The following WIPF1 variants were observed in gnomAD, a reference collection of about 807,000 sequenced individuals.
WIPF1 encodes the protein WAS/WASL interacting protein family member 1.
Under a neutral mutation model 35.4 loss-of-function variants are expected in WIPF1, and 13 were observed. The ratio of observed to expected loss-of-function variants is 0.37; its 90% CI spans 0.24 to 0.58. The LOEUF is 0.58. WIPF1 is among the 20% of genes least tolerant of loss of function. WIPF1 has a pLI of 0.74. For synonymous variants in WIPF1, 267 were observed against 266.3 expected, an observed-to-expected ratio of 1.00 and a Z score of -0.02; for missense variants, 591 against 667.0, an observed-to-expected ratio of 0.89 and a Z score of 1.25.
At chr2:174,577,122 T>C (rs760940018) in intron 3 of WIPF1, among the ~76,000 whole-genome samples, 1 of 152,224 alleles carries the variant, frequency 6.6e-6, no homozygotes, top group Non-Finnish European at 1.5e-5. Flanking sequence ...TTTGCTGAAA[T>C]TGTGAAAGGG....
chr2:174,617,628 T>C (rs934070148), intron 1 of WIPF1, among the ~76,000 whole-genome samples: 2 of 151,560 alleles, frequency 1.3e-5, no homozygotes, highest in African/African-American at 4.9e-5. Flanking sequence ...ACACAGGGAG[T>C]GGTGAAAAGT....
In WIPF1 at chr2:174,682,252, G is replaced by C. The variant is rs139485678; in HGVS notation, c.-39+522C>G. On this transcript the variant is annotated intron_variant, in intron 1 of 8. Coordinates refer to the WIPF1 transcript ENST00000272746. The stretch of plus-strand genomic sequence containing the variant: ...GGCGAGCGGGCCGCCCGGGAGGGCC[G>C]GGAGGGAGGCGGGCTGGAGCGCGGG... 7.9e-3 allele frequency among the ~76,000 whole-genome samples: 1,196 copies of C among 152,236 alleles called. 18 individuals carry two copies. Among genetic ancestry groups the C allele is most frequent in the African/African-American group, 0.028 (1,152 of 41,552 alleles).
chr2:174,578,872 T>A (rs988692180), intron 3 of WIPF1, among the ~76,000 whole-genome samples: 7 of 152,234 alleles, frequency 4.6e-5, no homozygotes, highest in African/African-American at 1.7e-4. Context: ...AATTTAAAAA[T>A]TTTGCTATTA....
chr2:174,643,625 G>T (rs12477859), intron 1 of WIPF1, among the ~76,000 whole-genome samples: 37,479 of 139,818 alleles, frequency 0.27, 6,726 homozygotes, highest in East Asian at 0.67. Flanking sequence ...GGCTATGCTG[G>T]TCTCCAACTT....
chr2:174,595,112 ATAT>A (rs1559155601), intron 1 of WIPF1, among the ~76,000 whole-genome samples: 1,434 of 49,024 alleles, frequency 0.029, 77 homozygotes, highest in East Asian at 0.053. Flanking sequence ...AAAAAAAAAT[ATAT>A]ATATATATAT....
chr2:174,617,487 T>C (rs1686543296), intron 1 of WIPF1, among the ~76,000 whole-genome samples: 1 of 152,184 alleles, frequency 6.6e-6, no homozygotes, highest in African/African-American at 2.4e-5. Context: ...GCTGTCTGCT[T>C]AATACTGAGC....
At chr2:174,583,872 T>G (rs1189021962) in intron 2 of WIPF1, among the ~76,000 whole-genome samples, 1 of 152,138 alleles carries the variant, frequency 6.6e-6, no homozygotes, top group Non-Finnish European at 1.5e-5. Flanking sequence ...CAGGCTGGAG[T>G]GCAGTAGTGC....
intron 1 of WIPF1, among the ~76,000 whole-genome samples, chr2:174,632,366 G>C (rs903243743): frequency 6.6e-6 from 1 of 152,090 alleles, no homozygotes; most frequent in Non-Finnish European, 1.5e-5. Flanking sequence ...GAGAGAATAA[G>C]GACCCCCAGA....
intron 1 of WIPF1, among the ~76,000 whole-genome samples, chr2:174,628,002 A>T (rs540924057): frequency 6.6e-6 from 1 of 152,266 alleles, no homozygotes; most frequent in Non-Finnish European, 1.5e-5. Context: ...TAAGAGTGGC[A>T]TTCTTGGGGA....
chr2:174,642,163 TGCAAGGAGG>T (rs1324671591), intron 1 of WIPF1, among the ~76,000 whole-genome samples: 3 of 152,194 alleles, frequency 2.0e-5, no homozygotes, highest in Non-Finnish European at 4.4e-5. Flanking sequence ...AAACCTAAGC[TGCAAGGAGG>T]GCAAGGACAA....
intron 1 of WIPF1, among the ~76,000 whole-genome samples, chr2:174,661,068 T>C (rs1477114654): frequency 6.6e-6 from 1 of 152,232 alleles, no homozygotes; most frequent in African/African-American, 2.4e-5. Context: ...CACAGCAGAC[T>C]GATTCACCCA....
In WIPF1 at chr2:174,571,435, C is replaced by T. The variant is rs915258182; in HGVS notation, c.1129+241G>A. The T allele has an allele frequency of 9.5e-6, 6 of 629,124 alleles. No homozygotes were observed. The highest frequency in any genetic ancestry group is 9.2e-5 in the African/African-American group (5 of 54,462). 39.0% of individuals were successfully genotyped at this position (629,124 alleles called of 1,614,324 possible). On this transcript the variant is annotated intron_variant, in intron 5 of 7. Transcript: ENST00000679041. The surrounding 1 kb of genome is among the most constrained non-coding windows in gnomAD (Gnocchi z 4.6). ...CTCTTCTTTATTAACTAGCTCGTGA[C>T]CATTTAACTTTATTAGCTACTCAGT...
intron 1 of WIPF1, among the ~76,000 whole-genome samples, chr2:174,652,870 A>T (rs1167843328): frequency 6.6e-6 from 1 of 151,494 alleles, no homozygotes; most frequent in Admixed American, 6.6e-5. Context: ...CTTAATTTAG[A>T]TTAGGTGGCG....
At chr2:174,638,971 G>A (rs1217311573) in intron 1 of WIPF1, among the ~76,000 whole-genome samples, 1 of 152,034 alleles carries the variant, frequency 6.6e-6, no homozygotes. Context: ...ATACTCCTTT[G>A]TTTTTTGTTC....
At chr2:174,673,334 A>G (rs1044552594) in intron 1 of WIPF1, 1 of 152,214 alleles carries the variant, frequency 6.6e-6, no homozygotes, top group East Asian at 1.9e-4. Flanking sequence ...CCATATGGGG[A>G]CTCAGGGTCT....
chr2:174,675,921 C>CT (rs11403701), intron 1 of WIPF1, among the ~76,000 whole-genome samples: 93,547 of 114,598 alleles, frequency 0.82, 38,469 homozygotes, highest in Middle Eastern at 0.89. Context: ...TACCCGATTT[C>CT]TTTTTTTTTT....
At chr2:174,575,884 G>C (rs1685044098) in intron 3 of WIPF1, among the ~76,000 whole-genome samples, 1 of 151,904 alleles carries the variant, frequency 6.6e-6, no homozygotes, top group Non-Finnish European at 1.5e-5. Flanking sequence ...GGGAGGAGGA[G>C]ATGCCATAAA....
intron 1 of WIPF1, among the ~76,000 whole-genome samples, chr2:174,660,650 G>T (rs1195929869): frequency 6.6e-6 from 1 of 152,124 alleles, no homozygotes; most frequent in African/African-American, 2.4e-5. Context: ...TGTCAGCAGG[G>T]AGGTACTGCA....
At chr2:174,594,102 T>C (rs962646337) in intron 1 of WIPF1, among the ~76,000 whole-genome samples, 4 of 152,246 alleles carry the variant, frequency 2.6e-5, no homozygotes, top group African/African-American at 9.6e-5. Context: ...ACTGCTCTTT[T>C]CTCAGTCAAT....
Sources: gnomAD v4.1 joint callset for allele counts (sites outside exome capture counted in the v4.1 genomes callset) on GRCh38, gnomAD v4.1.1 for gene constraint, Gnocchi (gnomAD v3.1) non-coding constraint, MANE v1.5 for transcripts, NCBI Gene and HGNC (gene_info 2026-07-23, HGNC 2026-07-21) for gene names.